The following MGAT4C variants were observed in gnomAD, a reference collection of about 807,000 sequenced individuals.
MGAT4C encodes MGAT4 family member C.
Under a neutral mutation model 40.1 loss-of-function variants are expected in MGAT4C, and 19 were observed. The observed-to-expected ratio is 0.47, with a 90% CI of 0.33 to 0.70. The LOEUF is 0.70. Ranked by LOEUF, MGAT4C falls within the 30% of genes least tolerant of loss-of-function variation. The pLI is 0.02. For synonymous variants in MGAT4C, 181 were observed against 187.1 expected (o/e 0.97, Z 0.27); for missense variants, 491 against 563.2 (o/e 0.87, Z 1.30).
intron 1 of MGAT4C, among the ~76,000 whole-genome samples, chr12:86,761,865 A>G (rs528917882): frequency 2.0e-5 from 3 of 152,136 alleles, no homozygotes; most frequent in African/African-American, 7.2e-5. Context: ...TCAAAATAAT[A>G]TATCTTCCTA....
At chr12:86,610,714 T>G (rs1272711829) in intron 2 of MGAT4C, among the ~76,000 whole-genome samples, 1 of 151,560 alleles carries the variant, frequency 6.6e-6, no homozygotes, top group East Asian at 2.0e-4. Flanking sequence ...ATTAGGTATA[T>G]CTCCTAATGC....
intron 1 of MGAT4C, among the ~76,000 whole-genome samples, chr12:86,167,791 A>C (rs772440081): frequency 3.3e-5 from 5 of 152,190 alleles, no homozygotes; most frequent in Non-Finnish European, 5.9e-5. Context: ...TTGAAGGTTA[A>C]ATTTCAACAC....
intron 4 of MGAT4C, among the ~76,000 whole-genome samples, chr12:86,321,837 T>C (rs535504582): frequency 6.6e-6 from 1 of 152,060 alleles, no homozygotes; most frequent in African/African-American, 2.4e-5. Flanking sequence ...GATCTAGAAC[T>C]AGAAATACCA....
At chr12:86,816,363 G>A (rs1039754163) in intron 1 of MGAT4C, among the ~76,000 whole-genome samples, 11 of 151,432 alleles carry the variant, frequency 7.3e-5, no homozygotes, top group Non-Finnish European at 1.0e-4. Context: ...ATTAGTTGAC[G>A]GTAAGCTATC....
intron 1 of MGAT4C, among the ~76,000 whole-genome samples, chr12:86,221,040 C>A (rs1291883135): frequency 1.3e-5 from 2 of 151,986 alleles, no homozygotes; most frequent in Non-Finnish European, 2.9e-5. Flanking sequence ...TTGACTGAAC[C>A]GGGGGAATGT....
chr12:86,791,107 G>C (rs1952013719), intron 1 of MGAT4C, among the ~76,000 whole-genome samples: 1 of 152,110 alleles, frequency 6.6e-6, no homozygotes, highest in African/African-American at 2.4e-5. Context: ...GGTGCTGAGA[G>C]GTTCAAGGGT....
intron 2 of MGAT4C, among the ~76,000 whole-genome samples, chr12:86,583,882 A>T (rs1018829754): frequency 6.6e-6 from 1 of 151,100 alleles, no homozygotes; most frequent in African/African-American, 2.4e-5. Context: ...AATATTGGGA[A>T]ATCTTTTAAA....
At chr12:86,410,258 G>A (rs966433886) in intron 3 of MGAT4C, among the ~76,000 whole-genome samples, 6 of 152,082 alleles carry the variant, frequency 3.9e-5, no homozygotes, top group African/African-American at 1.2e-4. Flanking sequence ...ACCCTAATAA[G>A]CCTGAGGGTA....
At chr12:86,213,096 A>G (rs915833544) in intron 1 of MGAT4C, among the ~76,000 whole-genome samples, 2 of 151,718 alleles carry the variant, frequency 1.3e-5, no homozygotes, top group African/African-American at 2.4e-5. Context: ...CAATAGCTAC[A>G]CTCCTGGAAC....
At chr12:86,462,926 C>T (rs1027995778) in intron 2 of MGAT4C, among the ~76,000 whole-genome samples, 4 of 152,070 alleles carry the variant, frequency 2.6e-5, no homozygotes, top group African/African-American at 9.7e-5. Flanking sequence ...TGTGAATCTC[C>T]TTTTTGGTGA....
intron 2 of MGAT4C, among the ~76,000 whole-genome samples, chr12:86,454,837 A>G (rs967389132): frequency 6.7e-6 from 1 of 150,248 alleles, no homozygotes; most frequent in Non-Finnish European, 1.5e-5. Context: ...AAATCTGTGT[A>G]AATTCAAGGT....
At chr12:86,481,893 T>C (rs949918916) in intron 2 of MGAT4C, among the ~76,000 whole-genome samples, 4 of 152,098 alleles carry the variant, frequency 2.6e-5, no homozygotes, top group African/African-American at 7.2e-5. Context: ...GCTGGAATTA[T>C]AGGCATGAGC....
chr12:86,244,212 C>A (rs974499089), intron 1 of MGAT4C, among the ~76,000 whole-genome samples: 34 of 152,160 alleles, frequency 2.2e-4, no homozygotes, highest in Non-Finnish European at 2.4e-4. Flanking sequence ...CGGTCATTTG[C>A]TGACTACCCT....
intron 4 of MGAT4C, among the ~76,000 whole-genome samples, chr12:86,271,444 T>G (rs1952945163): frequency 6.6e-6 from 1 of 152,192 alleles, no homozygotes; most frequent in African/African-American, 2.4e-5. Flanking sequence ...TAATCATTAC[T>G]GATTAAGTTA....
chr12:86,359,946 T>C (rs897950238), intron 3 of MGAT4C, among the ~76,000 whole-genome samples: 4 of 152,142 alleles, frequency 2.6e-5, no homozygotes, highest in African/African-American at 7.2e-5. Context: ...TTCCAATTAA[T>C]AGATAAAGAG....
At chr12:86,643,166 G>A (rs957208163) in intron 2 of MGAT4C, among the ~76,000 whole-genome samples, 5 of 151,552 alleles carry the variant, frequency 3.3e-5, no homozygotes, top group Non-Finnish European at 5.9e-5. Context: ...GGCCAAACTC[G>A]CTTTTATAAC....
In MGAT4C at chr12:86,451,290, T is replaced by C. The variant is rs113267447; in HGVS notation, c.-228-16025A>G. On this transcript the variant is annotated intron_variant, in intron 2 of 7. Coordinates refer to the MGAT4C transcript ENST00000548651. Reference sequence around the variant, plus strand: ...GTAATATACAAGCTCCTGCTTCATCTACCTCCATGATTGAAACCTGGCAGA... The same window carrying C: ...GTAATATACAAGCTCCTGCTTCATCCACCTCCATGATTGAAACCTGGCAGA... Among the ~76,000 whole-genome samples, 498 of 152,260 alleles carry C rather than the reference T, an allele frequency of 3.3e-3. 2 individuals are homozygous for C. Among genetic ancestry groups the C allele is most frequent in the African/African-American group, 0.012 (481 of 41,568 alleles).
chr12:86,436,983 A>G (rs1027176255), intron 2 of MGAT4C, among the ~76,000 whole-genome samples: 2 of 151,796 alleles, frequency 1.3e-5, no homozygotes, highest in African/African-American at 4.8e-5. Flanking sequence ...AATAAGCTAA[A>G]TATCTCCACT....
chr12:86,094,086 A>G (rs990702635), intron 1 of MGAT4C, among the ~76,000 whole-genome samples: 5 of 152,184 alleles, frequency 3.3e-5, no homozygotes, highest in Non-Finnish European at 7.3e-5. Flanking sequence ...AATGAGGGAA[A>G]TGAAAAAGGG....
Sources: allele counts gnomAD v4.1 joint callset (sites outside exome capture counted in the v4.1 genomes callset), GRCh38; gene constraint gnomAD v4.1.1; transcripts MANE v1.5; gene names NCBI Gene and HGNC (gene_info 2026-07-23, HGNC 2026-07-21).